The following FGF12 variants were observed in gnomAD, a reference collection of about 807,000 sequenced individuals.
FGF12 encodes the protein fibroblast growth factor 12B.
Under a neutral mutation model 23.6 loss-of-function variants are expected in FGF12, and 14 were observed. The observed-to-expected ratio is 0.59, with a 90% confidence interval of 0.39 to 0.93. FGF12 has a LOEUF of 0.93. Ranked by LOEUF, FGF12 falls within the 40% of genes least tolerant of loss-of-function variation. The pLI is 0.00. For missense variants in FGF12, 175 were observed against 217.8 expected, an observed-to-expected ratio of 0.80 and a Z score of 1.24; for synonymous variants, 62 against 77.3, an observed-to-expected ratio of 0.80 and a Z score of 1.04.
intron 4 of FGF12, among the ~76,000 whole-genome samples, chr3:192,212,892 G>T (rs1473901941): frequency 6.6e-6 from 1 of 152,180 alleles, no homozygotes; most frequent in Non-Finnish European, 1.5e-5. Context: ...GTTAGCATCA[G>T]TGATGTGTAA....
chr3:192,721,559 T>C (rs974403277), intron 2 of FGF12, among the ~76,000 whole-genome samples: 1 of 152,108 alleles, frequency 6.6e-6, no homozygotes, highest in African/African-American at 2.4e-5. Context: ...TATTAAGAGA[T>C]GCAATAAACC....
chr3:192,405,536 C>A (rs1180829624), intron 2 of FGF12, among the ~76,000 whole-genome samples: 2 of 151,222 alleles, frequency 1.3e-5, no homozygotes, highest in Admixed American at 1.3e-4. Context: ...TCCACTTCAC[C>A]ACTTTACCAT....
At chr3:192,471,178 C>T (rs1577002919) in intron 2 of FGF12, among the ~76,000 whole-genome samples, 2 of 152,178 alleles carry the variant, frequency 1.3e-5, no homozygotes, top group African/African-American at 2.4e-5. Context: ...ACATCATACT[C>T]GCTCAGGTTG....
intron 2 of FGF12, among the ~76,000 whole-genome samples, chr3:192,522,850 A>G (rs936584865): frequency 6.6e-6 from 1 of 152,368 alleles, no homozygotes; most frequent in Middle Eastern, 3.4e-3. Flanking sequence ...TGTGTAATCT[A>G]GAAAATAAGA....
At chr3:192,159,041 A>G (rs1279940480) in intron 5 of FGF12, among the ~76,000 whole-genome samples, 1 of 152,046 alleles carries the variant, frequency 6.6e-6, no homozygotes, top group Non-Finnish European at 1.5e-5. Context: ...ATAGCTTTAA[A>G]AACAAAGAAC....
In FGF12 at chr3:192,408,959, G is replaced by A. The variant is rs931539194; in HGVS notation, c.14-48421C>T. ...GTTCTGGAATTCCGAGAGGCGCGAA[G>A]TGGGAGCGGTTACCCGGAGTCTGGG... On this transcript the variant is annotated intron_variant, in intron 2 of 5. Transcript: ENST00000445105. The surrounding 1 kb of genome is among the most constrained non-coding windows in gnomAD (Gnocchi z 7.3). 4 of 985,114 alleles carry A rather than the reference G, an allele frequency of 4.1e-6. No homozygotes were observed. Among genetic ancestry groups the A allele is most frequent in the Non-Finnish European group, 4.8e-6 (4 of 829,916 alleles). 61.0% of individuals were successfully genotyped at this position (985,114 alleles called of 1,614,324 possible).
chr3:192,343,637 A>G (rs1717806509), intron 3 of FGF12, among the ~76,000 whole-genome samples: 1 of 152,140 alleles, frequency 6.6e-6, no homozygotes, highest in Non-Finnish European at 1.5e-5. Context: ...AAATCTTCCA[A>G]TACAAAAGTG....
chr3:192,540,170 T>C (rs1350413675), intron 2 of FGF12, among the ~76,000 whole-genome samples: 5 of 152,088 alleles, frequency 3.3e-5, no homozygotes, highest in African/African-American at 1.2e-4. Context: ...TATTATTTTT[T>C]CTCTACTAAT....
intron 2 of FGF12, among the ~76,000 whole-genome samples, chr3:192,407,708 G>GATGAATGAATGACTGAATGAATGA: frequency 2.0e-5 from 1 of 49,966 alleles, no homozygotes. Flanking sequence ...AGAGAGAAGA[G>GATGAATGAATGACTGAATGAATGA]ATGAATGAAT....
chr3:192,182,659 A>T (rs1207813031), intron 4 of FGF12, among the ~76,000 whole-genome samples: 1 of 152,174 alleles, frequency 6.6e-6, no homozygotes, highest in African/African-American at 2.4e-5. Context: ...ACCTCAGTAC[A>T]AGGGATATAT....
At chr3:192,392,155 G>A (rs375313168) in intron 2 of FGF12, among the ~76,000 whole-genome samples, 4 of 152,162 alleles carry the variant, frequency 2.6e-5, no homozygotes, top group African/African-American at 9.7e-5. Flanking sequence ...TTGTTTCTCA[G>A]AAGACTTGAA....
chr3:192,318,534 G>A (rs1716348674), intron 4 of FGF12, among the ~76,000 whole-genome samples: 1 of 151,978 alleles, frequency 6.6e-6, no homozygotes, highest in South Asian at 2.1e-4. Flanking sequence ...TTCACGATCA[G>A]AGAAGACAAT....
chr3:192,561,635 T>C (rs1294269884), intron 2 of FGF12, among the ~76,000 whole-genome samples: 1 of 152,202 alleles, frequency 6.6e-6, no homozygotes, highest in Non-Finnish European at 1.5e-5. Context: ...GTGCTGGGAT[T>C]ACAGGCGTGA....
In FGF12 at chr3:192,600,836, T is replaced by C. The variant is rs569084543; in HGVS notation, c.13+126345A>G. Reference sequence around the variant, plus strand: ...GGATGCAGAAAAAAGGTTACTCTTATATGCTGTTGATGAAAATGTAAACTC... The same window carrying C: ...GGATGCAGAAAAAAGGTTACTCTTACATGCTGTTGATGAAAATGTAAACTC... On this transcript the variant is annotated intron_variant, in intron 2 of 5. Coordinates refer to ENST00000445105, the MANE Select transcript of FGF12 (RefSeq NM_004113.6). Among the ~76,000 whole-genome samples the C allele has an allele frequency of 7.2e-5, 11 of 152,208 alleles. No individual in the cohort carries two copies. In the South Asian group the frequency reaches 1.7e-3, roughly 23 times the overall value.
chr3:192,620,042 G>T (rs535735097), intron 2 of FGF12, among the ~76,000 whole-genome samples: 38 of 152,180 alleles, frequency 2.5e-4, no homozygotes, highest in Middle Eastern at 3.4e-3. Context: ...CTCAGTGGGC[G>T]AGAAGAGCTT....
chr3:192,473,140 T>A (rs6798882), intron 2 of FGF12, among the ~76,000 whole-genome samples: 1 of 152,192 alleles, frequency 6.6e-6, no homozygotes, highest in African/African-American at 2.4e-5. Flanking sequence ...TAGGTTGTGT[T>A]CAATTTATGG....
chr3:192,362,059 T>C (rs1271685903), intron 2 of FGF12, among the ~76,000 whole-genome samples: 1 of 152,224 alleles, frequency 6.6e-6, no homozygotes. Flanking sequence ...TGGTTGTTTG[T>C]TCCTTCATAT....
intron 2 of FGF12, among the ~76,000 whole-genome samples, chr3:192,500,125 T>G (rs1724089868): frequency 1.3e-5 from 2 of 152,184 alleles, no homozygotes; most frequent in Admixed American, 6.5e-5. Flanking sequence ...TGGCTATTTT[T>G]GGACATAAGA....
intron 2 of FGF12, among the ~76,000 whole-genome samples, chr3:192,722,329 T>C (rs1213857625): frequency 6.6e-6 from 1 of 152,210 alleles, no homozygotes; most frequent in Non-Finnish European, 1.5e-5. Context: ...AACCACAAAA[T>C]GGCTCTTCTT....
Sources: gnomAD v4.1 joint callset for allele counts (sites outside exome capture counted in the v4.1 genomes callset) on GRCh38, gnomAD v4.1.1 for gene constraint, Gnocchi (gnomAD v3.1) non-coding constraint, MANE v1.5 for transcripts, NCBI Gene and HGNC (gene_info 2026-07-23, HGNC 2026-07-21) for gene names.